The following SEMA6D variants were observed in gnomAD, a reference collection of about 807,000 sequenced individuals.
The protein encoded by SEMA6D is semaphorin-6D.
Under a neutral mutation model 106.6 loss-of-function variants are expected in SEMA6D, and 35 were observed. The observed-to-expected ratio is 0.33, with a 90% CI of 0.25 to 0.44. The LOEUF is 0.44. Among genes scored for constraint, SEMA6D ranks in the 20% least tolerant of loss-of-function variants. The pLI is 1.00. For missense variants in SEMA6D, 1,185 were observed against 1,345.9 expected (o/e 0.88, Z 1.87); for synonymous variants, 499 against 487.7 (o/e 1.02, Z -0.31).
At chr15:47,506,425 C>A (rs1025390333) in intron 3 of SEMA6D, among the ~76,000 whole-genome samples, 3 of 152,062 alleles carry the variant, frequency 2.0e-5, no homozygotes, top group African/African-American at 7.2e-5. Context: ...GAACAGAGGA[C>A]ATGTTAAGCT....
intron 1 of SEMA6D, among the ~76,000 whole-genome samples, chr15:47,290,961 A>G (rs2035570717): frequency 6.6e-6 from 1 of 152,236 alleles, no homozygotes; most frequent in Non-Finnish European, 1.5e-5. Context: ...ATACAGAACC[A>G]TTTATGTGAT....
chr15:47,219,405 T>A (rs1268060003), intron 1 of SEMA6D, among the ~76,000 whole-genome samples: 1 of 152,216 alleles, frequency 6.6e-6, no homozygotes, highest in Non-Finnish European at 1.5e-5. Context: ...ATACAAGATT[T>A]TAGGAAATAC....
At chr15:47,503,044 TATTAACTA>T (rs1173895795) in intron 3 of SEMA6D, among the ~76,000 whole-genome samples, 2 of 152,240 alleles carry the variant, frequency 1.3e-5, no homozygotes, top group Non-Finnish European at 2.9e-5. Flanking sequence ...GTGTCCACTT[TATTAACTA>T]TACACTATCT....
chr15:47,729,810 C>T (rs2080000295), intron 1 of SEMA6D, among the ~76,000 whole-genome samples: 1 of 152,164 alleles, frequency 6.6e-6, no homozygotes, highest in South Asian at 2.1e-4. Flanking sequence ...CTTTAAAGTT[C>T]AAAATGTGTG....
chr15:47,509,769 C>A (rs896110751), intron 3 of SEMA6D, among the ~76,000 whole-genome samples: 1 of 152,136 alleles, frequency 6.6e-6, no homozygotes, highest in Non-Finnish European at 1.5e-5. Flanking sequence ...AGTATTGCCC[C>A]TGAACTAGGA....
At chr15:47,458,834 A>G (rs967182637) in intron 2 of SEMA6D, among the ~76,000 whole-genome samples, 29 of 152,066 alleles carry the variant, frequency 1.9e-4, no homozygotes, top group African/African-American at 6.5e-4. Context: ...AAATCAAAGT[A>G]AGCAAAAGAA....
At chr15:47,766,295 G>A in intron 15 of SEMA6D, 113 bp downstream of exon 15, 1 of 911,646 alleles carries the variant, frequency 1.1e-6, no homozygotes, top group East Asian at 2.7e-5. Flanking sequence ...TTGTTGTTAT[G>A]GGAGAAACAG....
rs541978066 is a variant in SEMA6D at position 47,204,170 on chromosome 15, A to G, written c.-239+19752A>G. 2.0e-5 allele frequency among the ~76,000 whole-genome samples: 3 copies of G among 152,290 alleles called. No homozygotes were observed. The South Asian group carries it at 6.2e-4, about 32-fold the overall frequency. On this transcript the variant is annotated intron_variant, in intron 1 of 19. Transcript: ENST00000558014. The stretch of plus-strand genomic sequence containing the variant: ...GAACTATCACTCTGGCTACAGTTCA[A>G]TGACCATCCTAAGCTATTCAAAAGC...
At chr15:47,613,737 T>G (rs1338012713) in intron 4 of SEMA6D, among the ~76,000 whole-genome samples, 2 of 152,090 alleles carry the variant, frequency 1.3e-5, no homozygotes, top group African/African-American at 4.8e-5. Context: ...CACTGCAAGT[T>G]CCGCCTCCCA....
intron 4 of SEMA6D, among the ~76,000 whole-genome samples, chr15:47,657,885 G>C (rs2573569): frequency 0.98 from 148,052 of 151,080 alleles, 72,611 homozygotes; most frequent in Middle Eastern, 1. Flanking sequence ...GGACTACAGG[G>C]ACCCCCCACC....
At chr15:47,249,075 A>C (rs1363232098) in intron 1 of SEMA6D, among the ~76,000 whole-genome samples, 1 of 152,068 alleles carries the variant, frequency 6.6e-6, no homozygotes, top group Non-Finnish European at 1.5e-5. Flanking sequence ...TAAAAATACA[A>C]ACATTAGCCG....
chr15:47,279,605 A>G (rs1251931377), intron 1 of SEMA6D, among the ~76,000 whole-genome samples: 1 of 150,828 alleles, frequency 6.6e-6, no homozygotes, highest in African/African-American at 2.4e-5. Context: ...GTCTTGTGCC[A>G]GTTTTCAAAG....
rs999206082 is a variant in SEMA6D, at chr15:47,505,516, A to G, written c.-87+34971A>G. ...TATGAACATGGGCTACAGAGTGGCTATGAGTACAGTATTAATGTAACATTT... is the reference window on the plus strand; with the variant it reads ...TATGAACATGGGCTACAGAGTGGCTGTGAGTACAGTATTAATGTAACATTT... On this transcript the variant is annotated intron_variant, in intron 3 of 19. Transcript: ENST00000558014. 4.6e-5 allele frequency among the ~76,000 whole-genome samples: 7 copies of G among 152,320 alleles called. No homozygotes were observed. In the East Asian group the frequency reaches 1.4e-3, roughly 29 times the overall value.
chr15:47,596,901 A>G (rs1315935066), intron 3 of SEMA6D, among the ~76,000 whole-genome samples: 1 of 152,102 alleles, frequency 6.6e-6, no homozygotes, highest in Non-Finnish European at 1.5e-5. Flanking sequence ...TGACCCAAAA[A>G]ACTCAAGAAA....
At chr15:47,747,739 T>A (rs2081222725) in intron 1 of SEMA6D, among the ~76,000 whole-genome samples, 1 of 152,188 alleles carries the variant, frequency 6.6e-6, no homozygotes, top group Non-Finnish European at 1.5e-5. Context: ...CTGGGTAAGA[T>A]CAGATCTTAC....
intron 2 of SEMA6D, among the ~76,000 whole-genome samples, chr15:47,461,980 A>G (rs187435555): frequency 2.9e-4 from 44 of 152,158 alleles, no homozygotes; most frequent in African/African-American, 8.4e-4. Flanking sequence ...GTATTACCAG[A>G]AAATACTGAA....
chr15:47,325,671 T>G (rs2037103456), intron 1 of SEMA6D, among the ~76,000 whole-genome samples: 1 of 152,216 alleles, frequency 6.6e-6, no homozygotes, highest in African/African-American at 2.4e-5. Flanking sequence ...TTATTGTCCC[T>G]GCTCTCTTCC....
At chr15:47,698,898 C>T (rs868776898) in intron 4 of SEMA6D, among the ~76,000 whole-genome samples, 5 of 152,172 alleles carry the variant, frequency 3.3e-5, no homozygotes, top group East Asian at 1.9e-4. Flanking sequence ...ATTTTCCAGC[C>T]GCTGTCATAA....
chr15:47,661,281 A>G (rs1055188334), intron 4 of SEMA6D, among the ~76,000 whole-genome samples: 7 of 152,348 alleles, frequency 4.6e-5, no homozygotes, highest in African/African-American at 1.7e-4. Flanking sequence ...ATACTTTCAC[A>G]TCCTTCTTTT....
Sources: allele counts gnomAD v4.1 joint callset (sites outside exome capture counted in the v4.1 genomes callset), GRCh38; gene constraint gnomAD v4.1.1; transcripts MANE v1.5; gene names NCBI Gene and HGNC (gene_info 2026-07-23, HGNC 2026-07-21).